PLA2G4A: variants seen among roughly 807,000 people sequenced by gnomAD.
The protein encoded by PLA2G4A is cytosolic phospholipase A2.
In PLA2G4A, 40 loss-of-function variants were observed where a neutral mutation model predicts 81.9. That is an observed-to-expected ratio of 0.49 (90% CI 0.38 to 0.64). The LOEUF (loss-of-function observed/expected upper bound fraction) is 0.64, where lower values mean the gene tolerates loss of function less well. Ranked by LOEUF, PLA2G4A falls within the 30% of genes least tolerant of loss-of-function variation. The probability of loss-of-function intolerance (pLI) is 0.00; values close to 1 mark genes in which losing one functional copy is unlikely to be tolerated. For missense variants in PLA2G4A, 715 were observed against 905.1 expected, an observed-to-expected ratio of 0.79 and a Z score of 2.69; for synonymous variants, 302 against 296.9, an observed-to-expected ratio of 1.02 and a Z score of -0.18.
At chr1:186,857,686 T>C (rs1652641469) in intron 2 of PLA2G4A, among the ~76,000 whole-genome samples, 1 of 151,156 alleles carries the variant, frequency 6.6e-6, no homozygotes, top group African/African-American at 2.4e-5. Context: ...TTTGCCATGG[T>C]GGTTTGCTGC....
rs1571315985 is a variant in PLA2G4A, at chr1:186,831,017, TCTTTTTCTTTCTTTCTTA to T, written c.-70+1997_-70+2014del. On this transcript the variant is annotated intron_variant, in intron 1 of 17. Transcript: ENST00000367466. ...TTCTTTCTTTCTTTCTTTCTTTCTT[TCTTTTTCTTTCTTTCTTA>T]CTTTTTCTTTCTTTTCTTTTTCTTT... is the stretch of plus-strand genomic sequence containing the variant. Among the ~76,000 whole-genome samples the T allele has an allele frequency of 2.0e-5, 3 of 146,726 alleles. No homozygotes were observed. The East Asian group carries it at 6.0e-4, about 30-fold the overall frequency.
intron 7 of PLA2G4A, among the ~76,000 whole-genome samples, chr1:186,915,203 A>G (rs928515073): frequency 2.0e-5 from 3 of 152,134 alleles, no homozygotes; most frequent in African/African-American, 4.8e-5. Context: ...TTGATCATCT[A>G]TGTGTAGACA....
chr1:186,904,236 A>T (rs1281624391), intron 5 of PLA2G4A, among the ~76,000 whole-genome samples: 2 of 152,104 alleles, frequency 1.3e-5, no homozygotes, highest in Non-Finnish European at 2.9e-5. Context: ...ACTTCTTCCT[A>T]AAAAAGGTGG....
At chr1:186,958,084 C>A (rs1656816161) in intron 14 of PLA2G4A, among the ~76,000 whole-genome samples, 1 of 152,014 alleles carries the variant, frequency 6.6e-6, no homozygotes, top group South Asian at 2.1e-4. Context: ...TGTTGCTTGA[C>A]CCCTTAAAAG....
At position 186,977,668 on chromosome 1, in the gene PLA2G4A, C is replaced by A. The variant is rs1349196228; in HGVS notation, c.1840C>A (p.Arg614=). The A allele has an allele frequency of 1.9e-6, 3 of 1,612,946 alleles. No homozygotes were observed. Among genetic ancestry groups the A allele is most frequent in the Non-Finnish European group, 2.5e-6 (3 of 1,179,122 alleles). The change falls in exon 16 of 18, where the codon CGG becomes AGG. Residue 614 remains arginine (R), a synonymous_variant. Transcript: ENST00000367466. ...FPKIDPYVFD[R]EGLKECYVFK... ...AAAGATTGATCCTTATGTGTTTGAT[C>A]GGGAAGGGCTGAAGGAGTGCTATGT...
At chr1:186,969,402 T>C (rs1233293562) in intron 15 of PLA2G4A, among the ~76,000 whole-genome samples, 1 of 151,928 alleles carries the variant, frequency 6.6e-6, no homozygotes, top group Non-Finnish European at 1.5e-5. Context: ...CTCTTTGTGT[T>C]AGTAACATTC....
At position 186,970,356 on chromosome 1, in the gene PLA2G4A, C is replaced by T. The variant is rs1254948896; in HGVS notation, c.1764+4763C>T. ...AAATATTTTCTCCCATTCTGTGGTTCGTCTCTTTTCTTTGTTGATTATTTC... is the reference window on the plus strand; with the variant it reads ...AAATATTTTCTCCCATTCTGTGGTTTGTCTCTTTTCTTTGTTGATTATTTC... On this transcript the variant is annotated intron_variant, in intron 15 of 17. Coordinates refer to ENST00000367466, the MANE Select transcript of PLA2G4A (RefSeq NM_024420.3). Among the ~76,000 whole-genome samples the T allele has an allele frequency of 2.6e-5, 4 of 151,710 alleles. No homozygotes were observed. In the South Asian group the frequency reaches 6.2e-4, roughly 24 times the overall value.
intron 7 of PLA2G4A, among the ~76,000 whole-genome samples, chr1:186,929,749 A>T (rs1655672392): frequency 6.6e-6 from 1 of 152,144 alleles, no homozygotes; most frequent in Admixed American, 6.6e-5. Flanking sequence ...CTTTATGTTT[A>T]AATTGCTTTA....
intron 6 of PLA2G4A, among the ~76,000 whole-genome samples, chr1:186,908,044 CT>C (rs1184154184): frequency 1.1e-4 from 17 of 151,854 alleles, no homozygotes; most frequent in Admixed American, 7.9e-4. Context: ...TTAAAAATTT[CT>C]TTTTTTGTAT....
intron 3 of PLA2G4A, among the ~76,000 whole-genome samples, chr1:186,890,458 T>C (rs914253858): frequency 2.0e-5 from 3 of 152,206 alleles, no homozygotes; most frequent in African/African-American, 7.2e-5. Context: ...GTATATGTAA[T>C]GGGAGGAAAT....
At chr1:186,892,945 A>G (rs1654198246) in intron 3 of PLA2G4A, 66 bp from the exon 4 acceptor site, 2 of 1,113,518 alleles carry the variant, frequency 1.8e-6, no homozygotes, top group African/African-American at 3.1e-5. Flanking sequence ...AACATATATT[A>G]ATAAAAAAAT....
At chr1:186,907,142 G>A in intron 6 of PLA2G4A, 140 bp downstream of exon 6, 1 of 608,742 alleles carries the variant, frequency 1.6e-6, no homozygotes, top group East Asian at 2.9e-5. Context: ...CTTTTCTTTA[G>A]TTGTCTGTTA....
At chr1:186,944,110 C>G (rs947341978) in intron 10 of PLA2G4A, among the ~76,000 whole-genome samples, 1 of 152,018 alleles carries the variant, frequency 6.6e-6, no homozygotes, top group Non-Finnish European at 1.5e-5. Context: ...GCATGGTTTA[C>G]TGAAATAGGT....
At position 186,870,329 on chromosome 1, in the gene PLA2G4A, A is replaced by G. The variant is rs146118819; in HGVS notation, c.34-106A>G. ...CCTTACATCAAAGAATGTTTCTGGT[A>G]TGCATGCTACTTGTTTTTAAGTAGA... On this transcript the variant is annotated intron_variant, in intron 2 of 17. Coordinates refer to ENST00000367466, the MANE Select transcript of PLA2G4A (RefSeq NM_024420.3). 1.5e-5 allele frequency: 11 copies of G among 726,292 alleles called. No individual in the cohort carries two copies. In the East Asian group the frequency reaches 2.7e-4, roughly 18 times the overall value. 45.0% of individuals were successfully genotyped at this position (726,292 alleles called of 1,614,324 possible).
chr1:186,878,577 T>C (rs1424782097), intron 3 of PLA2G4A, among the ~76,000 whole-genome samples: 1 of 151,828 alleles, frequency 6.6e-6, no homozygotes, highest in Non-Finnish European at 1.5e-5. Flanking sequence ...ACATCTCTTA[T>C]CTTGTCTTTT....
intron 14 of PLA2G4A, among the ~76,000 whole-genome samples, chr1:186,960,810 T>C (rs1656916060): frequency 6.6e-6 from 1 of 152,226 alleles, no homozygotes; most frequent in Non-Finnish European, 1.5e-5. Flanking sequence ...GTTAGCATTT[T>C]CATATAAAGT....
chr1:186,890,676 T>C lies in PLA2G4A; in HGVS notation c.116-2335T>C, dbSNP rs1004105113. ...CGAGACCATCCTGGCCAACATGGTG[T>C]AACCCTGTCTCTACTGAATATACAA... On this transcript the variant is annotated intron_variant, in intron 3 of 17. Transcript: ENST00000367466. Among the ~76,000 whole-genome samples the C allele has an allele frequency of 4.0e-5, 6 of 151,864 alleles. No individual in the cohort carries two copies. In the East Asian group the frequency reaches 9.7e-4, roughly 25 times the overall value.
intron 3 of PLA2G4A, among the ~76,000 whole-genome samples, chr1:186,872,831 T>C (rs1019312864): frequency 1.3e-5 from 2 of 152,168 alleles, no homozygotes; most frequent in African/African-American, 4.8e-5. Context: ...TAGGTTTTGG[T>C]TCCCCACAGT....
chr1:186,979,497 C>T (rs748250961), intron 17 of PLA2G4A, 25 bp downstream of exon 17: 1 of 1,460,826 alleles, frequency 6.8e-7, no homozygotes, highest in African/African-American at 1.4e-5. Flanking sequence ...TGGCCATTGA[C>T]TATGTCAAAT....
Sources: gnomAD v4.1 joint callset for allele counts (sites outside exome capture counted in the v4.1 genomes callset) on GRCh38, gnomAD v4.1.1 for gene constraint, MANE v1.5 for transcripts, NCBI Gene and HGNC (gene_info 2026-07-23, HGNC 2026-07-21) for gene names.